ZNF385C: variants seen among roughly 807,000 people sequenced by gnomAD.
ZNF385C encodes zinc finger protein 385C.
In ZNF385C, 28 loss-of-function variants were observed where a neutral mutation model predicts 35.4. That is an observed-to-expected ratio of 0.79 (90% confidence interval 0.59 to 1.08). The LOEUF (loss-of-function observed/expected upper bound fraction) is 1.08. Among genes scored for constraint, ZNF385C ranks in the 50% least tolerant of loss-of-function variants. The pLI, the probability that ZNF385C is intolerant of heterozygous loss-of-function variation, is 0.00. For synonymous variants in ZNF385C, 248 were observed against 248.2 expected, an observed-to-expected ratio of 1.00 and a Z score of 0.01; for missense variants, 605 against 595.6, an observed-to-expected ratio of 1.02 and a Z score of -0.16.
rs1555655663 is a variant in ZNF385C at position 42,037,964 on chromosome 17, T to C, written c.251-79A>G. On this transcript the variant is annotated intron_variant, in intron 2 of 8. Coordinates refer to ENST00000692273, the MANE Select transcript of ZNF385C (RefSeq NM_001392013.1). The stretch of plus-strand genomic sequence containing the variant: ...CCAGAACAAGAGGCGGGTGGGCTTC[T>C]TGGGTGTGGAGCTGGGCAGAAACCT... The C allele has an allele frequency of 5.8e-6, 9 of 1,543,106 alleles. No homozygotes were observed. In the South Asian group the frequency reaches 9.5e-5, roughly 16 times the overall value.
intron 1 of ZNF385C, among the ~76,000 whole-genome samples, chr17:42,086,674 C>T (rs1598205909): frequency 7.0e-6 from 1 of 142,246 alleles, no homozygotes; most frequent in Non-Finnish European, 1.5e-5. Flanking sequence ...TGCACTCCAG[C>T]CTGGGCAACA....
intron 1 of ZNF385C, among the ~76,000 whole-genome samples, chr17:42,082,248 C>G (rs994867460): frequency 2.0e-5 from 3 of 152,156 alleles, no homozygotes; most frequent in African/African-American, 4.8e-5. Flanking sequence ...AGCCCAGCAC[C>G]TCACAGGGTA....
In ZNF385C at chr17:42,029,044, G is replaced by A. The variant is rs782587641; in HGVS notation, c.706C>T (p.Leu236Phe). 1.9e-6 allele frequency: 3 copies of A among 1,550,104 alleles called. No individual in the cohort carries two copies. The highest frequency in any genetic ancestry group is 1.2e-5 in the South Asian group (1 of 84,060). The stretch of plus-strand genomic sequence containing the variant: ...GGGTCTGGAGTTGGTGGTGGCTGGA[G>A]TGGAGGCCCAAGAGGAGGGGCTGCA... Reference protein sequence around the residue: ...VPAAPPLGPPLQPPPTPDPTC... With the variant: ...VPAAPPLGPPFQPPPTPDPTC... The change falls in exon 6 of 9, where the codon CTC becomes TTC. Residue 236 changes from leucine (L) to phenylalanine (F), a missense_variant. Physicochemically the swap from Leu to Phe is conservative, Grantham distance 22. Coordinates refer to ENST00000692273, the MANE Select transcript of ZNF385C (RefSeq NM_001392013.1).
chr17:42,026,287 A>G lies in ZNF385C; in HGVS notation c.*610T>C, dbSNP rs1555654174. ...CAACCAGAACATCACCTCCTCTCTT[A>G]GTCCCACCCCTTCAGAGCAGATGAA... On this transcript the variant is annotated 3_prime_UTR_variant, in exon 9 of 9. Coordinates refer to ENST00000692273, the MANE Select transcript of ZNF385C (RefSeq NM_001392013.1). 1.3e-5 allele frequency: 2 copies of G among 154,824 alleles called. No homozygotes were observed. Among genetic ancestry groups the G allele is most frequent in the African/African-American group, 4.8e-5 (2 of 41,464 alleles). 9.6% of individuals were successfully genotyped at this position (154,824 alleles called of 1,614,324 possible). A position where few individuals can be genotyped will look rare whatever the true frequency, so the allele number is the denominator to read the frequency against.
intron 1 of ZNF385C, among the ~76,000 whole-genome samples, chr17:42,074,859 G>C (rs556947089): frequency 2.0e-5 from 3 of 152,218 alleles, no homozygotes; most frequent in Non-Finnish European, 4.4e-5. Flanking sequence ...TTCAGACTTG[G>C]AAGGGATCTT....
chr17:42,028,655 C>T (rs1386604417), intron 6 of ZNF385C, 128 bp downstream of exon 6: 5 of 1,218,114 alleles, frequency 4.1e-6, no homozygotes, highest in South Asian at 1.6e-5. Flanking sequence ...TTCAGTAACA[C>T]ACAAGCACAA....
intron 2 of ZNF385C, 66 bp downstream of exon 2, chr17:42,062,741 A>G: frequency 2.1e-6 from 1 of 479,774 alleles, no homozygotes; most frequent in Non-Finnish European, 3.7e-6. Flanking sequence ...AGAGCCCCTC[A>G]GAGGGGCCCA....
intron 1 of ZNF385C, among the ~76,000 whole-genome samples, chr17:42,087,691 C>T (rs1273755714): frequency 2.6e-5 from 4 of 152,140 alleles, no homozygotes; most frequent in Non-Finnish European, 4.4e-5. Flanking sequence ...TTTGGGAATC[C>T]GAGACAGGAG....
chr17:42,096,742 G>A (rs2053921439), intron 1 of ZNF385C, among the ~76,000 whole-genome samples: 1 of 152,110 alleles, frequency 6.6e-6, no homozygotes, highest in African/African-American at 2.4e-5. Flanking sequence ...GTTCCACTGA[G>A]GCACAGCCCA....
chr17:42,047,055 G>A (rs1159461642), intron 2 of ZNF385C, among the ~76,000 whole-genome samples: 4 of 125,208 alleles, frequency 3.2e-5, no homozygotes, highest in East Asian at 4.6e-4. Context: ...TTTTTGAGAC[G>A]CAATTTCACT....
intron 2 of ZNF385C, chr17:42,039,541 GT>G (rs1390920280): frequency 4.4e-5 from 18 of 411,298 alleles, no homozygotes; most frequent in Non-Finnish European, 5.2e-5. Flanking sequence ...AGCCCACAGG[GT>G]GGGGGGGGTT....
At chr17:42,028,705 C>T in intron 6 of ZNF385C, 78 bp downstream of exon 6, 1 of 1,479,516 alleles carries the variant, frequency 6.8e-7, no homozygotes, top group Non-Finnish European at 9.0e-7. Flanking sequence ...CACCCAGGAA[C>T]TCAAGCCTGC....
chr17:42,096,975 TA>T (rs58377119), intron 1 of ZNF385C, among the ~76,000 whole-genome samples: 3,120 of 89,170 alleles, frequency 0.035, 44 homozygotes, highest in Middle Eastern at 0.12. Flanking sequence ...CAAGCTTAGC[TA>T]AAAAAAAAAA....
At chr17:42,056,732 A>T (rs1166318353) in intron 2 of ZNF385C, among the ~76,000 whole-genome samples, 1 of 152,064 alleles carries the variant, frequency 6.6e-6, no homozygotes, top group East Asian at 1.9e-4. Flanking sequence ...GGTACTGAAA[A>T]AGTCTCACGA....
In ZNF385C at chr17:42,052,309, A is replaced by G. The variant is rs923101285; in HGVS notation, c.250+10498T>C. Among the ~76,000 whole-genome samples, 3 of 152,162 alleles carry G rather than the reference A, an allele frequency of 2.0e-5. No individual in the cohort carries two copies. In the South Asian group the frequency reaches 6.2e-4, roughly 32 times the overall value. On this transcript the variant is annotated intron_variant, in intron 2 of 8. Coordinates refer to ENST00000692273, the MANE Select transcript of ZNF385C (RefSeq NM_001392013.1). ...AGATCTGGGAAAACCACATCCTGCT[A>G]TTTTGCCATAATGGGAAAAGACAGA...
intron 2 of ZNF385C, among the ~76,000 whole-genome samples, chr17:42,059,117 G>C (rs1555657794): frequency 6.6e-6 from 1 of 152,214 alleles, no homozygotes; most frequent in East Asian, 1.9e-4. Context: ...AGCTTCTCTA[G>C]CTGGAGCCCC....
intron 2 of ZNF385C, among the ~76,000 whole-genome samples, chr17:42,057,899 C>T (rs2053405628): frequency 6.6e-6 from 1 of 151,810 alleles, no homozygotes; most frequent in African/African-American, 2.4e-5. Flanking sequence ...GTTGGGATCA[C>T]ACCACTGCAC....
At chr17:42,043,370 G>T (rs1458176012) in intron 2 of ZNF385C, 8 of 1,232,136 alleles carry the variant, frequency 6.5e-6, no homozygotes, top group Non-Finnish European at 2.0e-6. Context: ...TTCCCTGGGG[G>T]CACCATTCTT....
chr17:42,045,476 C>G (rs549199091), intron 2 of ZNF385C, among the ~76,000 whole-genome samples: 25 of 152,320 alleles, frequency 1.6e-4, no homozygotes, highest in African/African-American at 5.8e-4. Flanking sequence ...AGGGTCAGAC[C>G]CAGATGACTC....
Sources: allele counts gnomAD v4.1 joint callset (sites outside exome capture counted in the v4.1 genomes callset), GRCh38; gene constraint gnomAD v4.1.1; transcripts MANE v1.5; gene names NCBI Gene and HGNC (gene_info 2026-07-23, HGNC 2026-07-21).